The following FBRS variants were observed in gnomAD, a reference collection of about 807,000 sequenced individuals.
The protein encoded by FBRS is fibrosin.
In FBRS, 15 loss-of-function variants were observed where a neutral mutation model predicts 86.1. The ratio of observed to expected loss-of-function variants is 0.17; its 90% CI spans 0.12 to 0.27. The LOEUF (loss-of-function observed/expected upper bound fraction) is 0.27. Ranked by LOEUF, FBRS falls within the 10% of genes least tolerant of loss-of-function variation. FBRS has a pLI of 1.00. For missense variants in FBRS, 1,367 were observed against 1,301.6 expected (o/e 1.05, Z -0.77); for synonymous variants, 666 against 575.8 (o/e 1.16, Z -2.24).
At position 30,669,122 on chromosome 16, in the gene FBRS, C is replaced by A. The variant is rs2052560222; in HGVS notation, c.2420C>A (p.Ala807Asp). Residue 807 changes from alanine to aspartate, a missense_variant, in exon 18 of 18, where the codon GCC becomes GAC. By Grantham distance (126) the Ala-to-Asp change is moderately radical. Coordinates refer to ENST00000356166, the MANE Select transcript of FBRS (RefSeq NM_001105079.3). This position sits in a 1 kb window ranked among gnomAD's most constrained non-coding sequence, Gnocchi z 5.9. ...QLRVSPATPKARAGEEGPRPT... is the reference protein window; with the variant it reads ...QLRVSPATPKDRAGEEGPRPT... Reference sequence around the variant, plus strand: ...CGAGTTTCTCCTGCTACTCCCAAGGCCCGGGCTGGTGAGGAGGGGCCTCGG... The same window carrying A: ...CGAGTTTCTCCTGCTACTCCCAAGGACCGGGCTGGTGAGGAGGGGCCTCGG... 2 of 1,588,360 alleles carry A rather than the reference C, an allele frequency of 1.3e-6. No individual in the cohort carries two copies. The highest frequency in any genetic ancestry group is 1.7e-6 in the Non-Finnish European group (2 of 1,168,404).
At chr16:30,662,915 G>A (rs1277751004) in intron 6 of FBRS, 56 bp downstream of exon 6, 33 of 1,392,394 alleles carry the variant, frequency 2.4e-5, no homozygotes, top group African/African-American at 1.2e-4. Flanking sequence ...GTTTGGTGGC[G>A]GGGACACAGG....
Position 30,670,184 on chromosome 16 carries a change from A to G in FBRS, c.*539A>G, listed in dbSNP as rs1197335662. The G allele has an allele frequency of 2.2e-6, 1 of 458,232 alleles. No individual in the cohort carries two copies. The highest frequency in any genetic ancestry group is 4.4e-6 in the Non-Finnish European group (1 of 227,154). 28.4% of individuals were successfully genotyped at this position (458,232 alleles called of 1,614,324 possible). ...TCCCTTCCTGGTTAATTAAACCCTC[A>G]GACTGGTGCTGTGTTCCTAGCCTCT... On this transcript the variant is annotated 3_prime_UTR_variant, in exon 18 of 18. Coordinates refer to ENST00000356166, the MANE Select transcript of FBRS (RefSeq NM_001105079.3).
chr16:30,668,526 C>G, intron 15 of FBRS, 34 bp from the exon 16 acceptor site: 1 of 1,591,114 alleles, frequency 6.3e-7, no homozygotes, highest in Non-Finnish European at 8.6e-7. Context: ...CACCGGCTGC[C>G]CAGTGCTCTG....
At chr16:30,664,989 GCCCGGGT>G (rs773206300) in intron 8 of FBRS, 39 bp from the exon 9 acceptor site, 2 of 1,609,604 alleles carry the variant, frequency 1.2e-6, no homozygotes, top group Non-Finnish European at 1.7e-6. Context: ...CTGGGGGAAG[GCCCGGGT>G]CCCTGGCTGG....
In FBRS at chr16:30,658,996, T is replaced by C. The variant is rs2052419274; in HGVS notation, c.-523T>C. On this transcript the variant is annotated 5_prime_UTR_variant, in exon 1 of 18. Transcript: ENST00000356166. Reference sequence around the variant, plus strand: ...GGACTAGAAACTAACTCCGAGCCCTTAAAGGGACGGCCTGCTGTTAGAAGG... The same window carrying C: ...GGACTAGAAACTAACTCCGAGCCCTCAAAGGGACGGCCTGCTGTTAGAAGG... The C allele has an allele frequency of 6.6e-6, 1 of 152,146 alleles. No individual in the cohort carries two copies. The highest frequency in any genetic ancestry group is 1.5e-5 in the Non-Finnish European group (1 of 68,056). The allele number at this position is 152,146 out of a possible 1,614,324, so 9.4% of individuals were successfully genotyped here. A position where few individuals can be genotyped will look rare whatever the true frequency, so the allele number is the denominator to read the frequency against.
Position 30,669,589 on chromosome 16 carries a change from GC to G in FBRS, c.2893del (p.Arg965GlyfsTer41). The G allele has an allele frequency of 6.2e-7, 1 of 1,610,734 alleles. No homozygotes were observed. On this transcript the variant is annotated frameshift_variant, in exon 18 of 18. Coordinates refer to ENST00000356166, the MANE Select transcript of FBRS (RefSeq NM_001105079.3). LOFTEE classifies it high-confidence loss of function. The surrounding 1 kb of genome is among the most constrained non-coding windows in gnomAD (Gnocchi z 5.9). ...GGGGGCACCACCTCCGCTTGTGCCC[GC>G]CCCCCGGCCCAGTTCCCCACCTAGG... is the stretch of plus-strand genomic sequence containing the variant. ...LLGAPPPLVP[A>X]PRPSSPPRGP...
rs536282607 is a variant in FBRS at position 30,660,124 on chromosome 16, C to G, written c.460-139C>G. The G allele has an allele frequency of 9.1e-6, 13 of 1,428,520 alleles. No individual in the cohort carries two copies. In the Admixed American group the frequency reaches 3.3e-4, roughly 36 times the overall value. 88.5% of individuals were successfully genotyped at this position (1,428,520 alleles called of 1,614,324 possible). ...CCTCTGGCCAGGCCTCTGCCCCGCC[C>G]TGGGGTGGGAGGAGGTAGAGCTCGT... On this transcript the variant is annotated intron_variant, in intron 1 of 17. Coordinates refer to ENST00000356166, the MANE Select transcript of FBRS (RefSeq NM_001105079.3).
Position 30,669,366 on chromosome 16 carries a change from C to T in FBRS, c.2664C>T (p.Pro888=). The change falls in exon 18 of 18, where the codon CCC becomes CCT. Residue 888 remains proline, a synonymous_variant. Transcript: ENST00000356166. This position sits in a 1 kb window ranked among gnomAD's most constrained non-coding sequence, Gnocchi z 5.9. ...GFLEPTWLAA[P]PRLARPPRFY... is the part of the protein sequence containing the mutation. ...TGGAGCCAACCTGGTTGGCAGCACC[C>T]CCACGCCTGGCAAGGCCACCCCGCT... The T allele has an allele frequency of 6.2e-7, 1 of 1,612,722 alleles. No homozygotes were observed.
intron 6 of FBRS, among the ~76,000 whole-genome samples, chr16:30,663,288 T>C (rs762481185): frequency 1.3e-5 from 2 of 152,190 alleles, no homozygotes; most frequent in Non-Finnish European, 2.9e-5. Context: ...TCAAATGGAA[T>C]GATCATAGTA....
At chr16:30,666,412 C>T (rs1300596441) in intron 11 of FBRS, 100 bp from the exon 12 acceptor site, 11 of 1,476,880 alleles carry the variant, frequency 7.4e-6, no homozygotes, top group Admixed American at 1.7e-5. Flanking sequence ...GTCCCAGTGT[C>T]TCAGGCATGT....
Position 30,668,991 on chromosome 16 carries a change from A to ACCCACCCTGCCCCTGC in FBRS, c.2366+21_2366+36dup. 1 of 704,522 alleles carries ACCCACCCTGCCCCTGC rather than the reference A, an allele frequency of 1.4e-6. No homozygotes were observed. Among genetic ancestry groups the ACCCACCCTGCCCCTGC allele is most frequent in the Non-Finnish European group, 1.9e-6 (1 of 539,044 alleles). The allele number at this position is 704,522 out of a possible 1,614,324, so 43.6% of individuals were successfully genotyped here. A position where few individuals can be genotyped will look rare whatever the true frequency, so the allele number is the denominator to read the frequency against. On this transcript the variant is annotated intron_variant, in intron 17 of 17. Coordinates refer to ENST00000356166, the MANE Select transcript of FBRS (RefSeq NM_001105079.3). ...GAGGAGAAGGACAGGTGTGCCTCCC[A>ACCCACCCTGCCCCTGC]CCCACCCTGCCCCTGCCCCACCCTC...
At position 30,669,167 on chromosome 16, in the gene FBRS, G is replaced by A; in HGVS notation, c.2465G>A (p.Arg822Gln). The change falls in exon 18 of 18, where the codon CGG becomes CAG. Residue 822 changes from arginine to glutamine, a missense_variant. Coordinates refer to ENST00000356166, the MANE Select transcript of FBRS (RefSeq NM_001105079.3). The surrounding 1 kb of genome is among the most constrained non-coding windows in gnomAD (Gnocchi z 5.9). ...EGPRPTKESV[R>Q]VKEERKEEAA... ...CCTCGGCCAACCAAGGAATCTGTGC[G>A]GGTAAAGGAAGAGCGGAAGGAGGAG... 1.3e-6 allele frequency: 2 copies of A among 1,556,704 alleles called. No homozygotes were observed. Among genetic ancestry groups the A allele is most frequent in the Non-Finnish European group, 1.7e-6 (2 of 1,151,022 alleles).
intron 12 of FBRS, 28 bp downstream of exon 12, chr16:30,666,569 A>G (rs1236771547): frequency 1.2e-6 from 2 of 1,613,956 alleles, no homozygotes; most frequent in Middle Eastern, 1.6e-4. Context: ...CTCAGGCTGC[A>G]TGAGGCTGGG....
In FBRS at chr16:30,659,673, G is replaced by A; in HGVS notation, c.155G>A (p.Arg52His). The change falls in exon 1 of 18, where the codon CGC becomes CAC. Residue 52 changes from arginine to histidine, a missense_variant. By Grantham distance (29) the Arg-to-His change is conservative (BLOSUM62 0). Around this residue, in one of 3 missense-constraint regions of FBRS, gnomAD observed 702 missense variants for 598.7 expected, o/e 1.17. Transcript: ENST00000356166. ...CCCCGGGCCCTGTTGGCCGCCCCGC[G>A]CGGCTCCTCGTCCTCGTCGTCGCCG... ...DAPRALLAAPRGSSSSSSPPP... is the reference protein window; with the variant it reads ...DAPRALLAAPHGSSSSSSPPP... 1 of 682,342 alleles carries A rather than the reference G, an allele frequency of 1.5e-6. No individual in the cohort carries two copies. 42.3% of individuals were successfully genotyped at this position (682,342 alleles called of 1,614,324 possible).
chr16:30,668,828 TC>T lies in FBRS; in HGVS notation c.2219del (p.Pro740HisfsTer13). On this transcript the variant is annotated frameshift_variant, in exon 17 of 18. Transcript: ENST00000356166. LOFTEE classifies it high-confidence loss of function. ...CCCAGGGGCCCCACCAGCCTTCGCC[TC>T]CCCACCGGACCCATGGGGCCGCCTG... ...ESPGAPPAFA[S>X]PPDPWGRLHR... 1 of 1,596,812 alleles carries T rather than the reference TC, an allele frequency of 6.3e-7. No individual in the cohort carries two copies.
chr16:30,660,623 A>G (rs2052448223), intron 2 of FBRS, 181 bp downstream of exon 2: 2 of 1,041,554 alleles, frequency 1.9e-6, no homozygotes, highest in African/African-American at 1.7e-5. Context: ...AGTCAGGTGC[A>G]CCTCCTTTTG....
chr16:30,666,672 G>T, intron 12 of FBRS, 131 bp downstream of exon 12: 1 of 1,459,328 alleles, frequency 6.9e-7, no homozygotes. Context: ...GAACAGCAGA[G>T]AGTGAGGGCT....
intron 11 of FBRS, 77 bp from the exon 12 acceptor site, chr16:30,666,435 G>T: frequency 6.3e-7 from 1 of 1,581,014 alleles, no homozygotes; most frequent in Non-Finnish European, 8.7e-7. Context: ...GGGGTGAGTG[G>T]ATGCTGTGGA....
rs1461356615 is a variant in FBRS, at chr16:30,662,756, C to G, written c.952C>G (p.Pro318Ala). The change falls in exon 6 of 18, where the codon CCC becomes GCC. Residue 318 changes from proline to alanine, a missense_variant. By Grantham distance (27) the Pro-to-Ala change is conservative. Around this residue, in one of 3 missense-constraint regions of FBRS, gnomAD observed 702 missense variants for 598.7 expected, o/e 1.17. Coordinates refer to ENST00000356166, the MANE Select transcript of FBRS (RefSeq NM_001105079.3). ...ACCCCCTGCACCCCTGCCGGCCACT[C>G]CCAGTCTGCCACCCCCACCCCAGCC... ...VSPPAPLPAT[P>A]SLPPPPQPQL... 1.3e-6 allele frequency: 2 copies of G among 1,528,468 alleles called. No homozygotes were observed. The highest frequency in any genetic ancestry group is 8.8e-7 in the Non-Finnish European group (1 of 1,133,182). The allele number at this position is 1,528,468 out of a possible 1,614,324, so 94.7% of individuals were successfully genotyped here.
Sources: gnomAD v4.1 joint callset for allele counts (sites outside exome capture counted in the v4.1 genomes callset) on GRCh38, gnomAD v4.1.1 for gene constraint, gnomAD v4.1.1 regional missense constraint, Gnocchi (gnomAD v3.1) non-coding constraint, MANE v1.5 for transcripts, NCBI Gene and HGNC (gene_info 2026-07-23, HGNC 2026-07-21) for gene names.